The following ST18 variants were observed in gnomAD, a reference collection of about 807,000 sequenced individuals.
The protein encoded by ST18 is suppression of tumorigenicity 18 protein.
In ST18, 50 loss-of-function variants were observed where a neutral mutation model predicts 110.0. The ratio of observed to expected loss-of-function variants is 0.45; its 90% CI spans 0.36 to 0.58. The LOEUF is 0.58. Among genes scored for constraint, ST18 ranks in the 20% least tolerant of loss-of-function variants. The pLI is 0.00. For synonymous variants in ST18, 461 were observed against 452.4 expected (o/e 1.02, Z -0.24); for missense variants, 1,306 against 1,280.1 (o/e 1.02, Z -0.31).
intron 2 of ST18, among the ~76,000 whole-genome samples, chr8:52,357,407 T>C (rs1395931479): frequency 6.6e-6 from 1 of 151,658 alleles, no homozygotes; most frequent in East Asian, 1.9e-4. Context: ...TGAACAAATA[T>C]GACCCAACTA....
intron 2 of ST18, among the ~76,000 whole-genome samples, chr8:52,384,991 T>C (rs1039280735): frequency 7.2e-5 from 11 of 152,348 alleles, no homozygotes; most frequent in Admixed American, 7.2e-4. Flanking sequence ...AACATACTAA[T>C]GTTACTAATA....
In ST18 at chr8:52,112,238, T is replaced by C. The variant is rs2040757136; in HGVS notation, c.*960A>G. On this transcript the variant is annotated 3_prime_UTR_variant, in exon 26 of 26. Transcript: ENST00000689386. ...TACAAAATTTTTCATTTGGATGTGTTTGTATTTGCTAAGTACAAATCTACA... is the reference window on the plus strand; with the variant it reads ...TACAAAATTTTTCATTTGGATGTGTCTGTATTTGCTAAGTACAAATCTACA... 2 of 152,544 alleles carry C rather than the reference T, an allele frequency of 1.3e-5. No individual in the cohort carries two copies. Among genetic ancestry groups the C allele is most frequent in the South Asian group, 4.2e-4 (2 of 4,814 alleles). 9.4% of individuals were successfully genotyped at this position (152,544 alleles called of 1,614,324 possible). A position where few individuals can be genotyped will look rare whatever the true frequency, so the allele number is the denominator to read the frequency against.
chr8:52,159,031 G>C lies in ST18; in HGVS notation c.1673C>G (p.Ala558Gly). The change falls in exon 15 of 26, where the codon GCC (alanine) becomes GGC (glycine). Residue 558 changes from alanine to glycine, a missense_variant. Ala to Gly is a moderately conservative substitution (Grantham distance 60). Transcript: ENST00000689386. ...AGAHTQSPGR[A>G]SSYSYGQCSE... ...ACATTGACCGTAGCTATAAGAGCTG[G>C]CACGGCCAGGGCTCTGGGTGTGGGC... 6.2e-7 allele frequency: 1 copy of C among 1,614,148 alleles called. No individual in the cohort carries two copies. The highest frequency in any genetic ancestry group is 8.5e-7 in the Non-Finnish European group (1 of 1,180,012).
At chr8:52,255,574 A>T (rs7838408) in intron 2 of ST18, among the ~76,000 whole-genome samples, 12,262 of 152,070 alleles carry the variant, frequency 0.081, 1,061 homozygotes, top group African/African-American at 0.21. Context: ...TAAAGATTTA[A>T]TTTTTTTCTG....
At chr8:52,347,366 A>G (rs1818239867) in intron 2 of ST18, among the ~76,000 whole-genome samples, 1 of 152,178 alleles carries the variant, frequency 6.6e-6, no homozygotes, top group Non-Finnish European at 1.5e-5. Context: ...GAAGACAGAA[A>G]AACAGAGGAA....
At chr8:52,270,731 G>A (rs761869359) in intron 2 of ST18, among the ~76,000 whole-genome samples, 10 of 152,132 alleles carry the variant, frequency 6.6e-5, no homozygotes, top group Admixed American at 2.0e-4. Context: ...GGGTGGTGCA[G>A]GGGTAAGGGA....
At chr8:52,147,315 C>T (rs2057587724) in intron 16 of ST18, among the ~76,000 whole-genome samples, 1 of 152,052 alleles carries the variant, frequency 6.6e-6, no homozygotes, top group Non-Finnish European at 1.5e-5. Context: ...TAAAAAGTAA[C>T]ATAAAATATT....
At chr8:52,357,723 A>ATATATT (rs1823727033) in intron 2 of ST18, among the ~76,000 whole-genome samples, 24 of 78,044 alleles carry the variant, frequency 3.1e-4, no homozygotes, top group African/African-American at 2.3e-3. Context: ...ATATATATAT[A>ATATATT]TATATATAAA....
chr8:52,179,706 A>C (rs2068574888), intron 9 of ST18, among the ~76,000 whole-genome samples: 1 of 152,158 alleles, frequency 6.6e-6, no homozygotes, highest in Non-Finnish European at 1.5e-5. Flanking sequence ...TATCATCATC[A>C]CTAATGAACA....
chr8:52,163,261 T>C (rs2133278860), intron 13 of ST18, among the ~76,000 whole-genome samples: 1 of 152,350 alleles, frequency 6.6e-6, no homozygotes, highest in East Asian at 1.9e-4. Context: ...AAGCCGTATC[T>C]TGAAAACGTT....
intron 8 of ST18, among the ~76,000 whole-genome samples, chr8:52,199,767 C>T (rs1466218536): frequency 6.6e-6 from 1 of 152,180 alleles, no homozygotes; most frequent in Non-Finnish European, 1.5e-5. Flanking sequence ...TCCTTTGACC[C>T]ATGGCCACCT....
In ST18 at chr8:52,133,297, G is replaced by A; in HGVS notation, c.2305C>T (p.Pro769Ser). 6.2e-7 allele frequency: 1 copy of A among 1,614,152 alleles called. No individual in the cohort carries two copies. Among genetic ancestry groups the A allele is most frequent in the Non-Finnish European group, 8.5e-7 (1 of 1,180,026 alleles). Residue 769 changes from proline (P) to serine (S), a missense_variant, in exon 20 of 26, where the codon CCA (proline) becomes TCA (serine). Pro to Ser is a moderately conservative substitution (Grantham distance 74). Coordinates refer to ENST00000689386, the MANE Select transcript of ST18 (RefSeq NM_001352837.2). The part of the protein sequence containing the change: ...MAANSQELKC[P>S]TPGCDGSGHV... ...CCCGAGCCATCGCAGCCTGGGGTTG[G>A]ACACCTGGAAGGCACAGGAAGAGAG...
In ST18 at chr8:52,160,926, T is replaced by C. The variant is rs1217386513; in HGVS notation, c.1594+449A>G. ...AGACTTCTCACCTTCCCTTCCACCT[T>C]TAGTTTGAATGCTTTTGCTGAGTTA... On this transcript the variant is annotated intron_variant, in intron 14 of 25. Transcript: ENST00000689386. Among the ~76,000 whole-genome samples the C allele has an allele frequency of 2.0e-5, 3 of 152,222 alleles. No individual in the cohort carries two copies. The East Asian group carries it at 5.8e-4, about 29-fold the overall frequency.
At chr8:52,180,015 G>A (rs1034083924) in intron 9 of ST18, 107 bp downstream of exon 9, 13 of 1,194,470 alleles carry the variant, frequency 1.1e-5, no homozygotes, top group South Asian at 1.6e-5. Context: ...AAATCTTAAT[G>A]TACTTTTACA....
At position 52,209,631 on chromosome 8, in the gene ST18, A is replaced by G. The variant is rs553320345; in HGVS notation, c.86+2448T>C. On this transcript the variant is annotated intron_variant, in intron 8 of 25. Transcript: ENST00000689386. ...ACTAAAAATACAAAATTAGCCCGGC[A>G]TGGTGGCTCATGCCTGTAATCCCAG... 3.3e-3 allele frequency among the ~76,000 whole-genome samples: 503 copies of G among 151,842 alleles called. 4 individuals are homozygous for G. Among genetic ancestry groups the G allele is most frequent in the African/African-American group, 0.011 (439 of 41,410 alleles).
Position 52,172,571 on chromosome 8 carries a change from A to T in ST18, c.290T>A (p.Ile97Lys). The T allele has an allele frequency of 1.3e-6, 2 of 1,570,966 alleles. No individual in the cohort carries two copies. The highest frequency in any genetic ancestry group is 1.7e-6 in the Non-Finnish European group (2 of 1,163,664). ...AAGAAGACTTTCATCCATAGGTTTT[A>T]TCATGATTTCCTCTATGGAAAAAGA... ...HGHSTAEEIM[I>K]KPMDESLLST... The change falls in exon 10 of 26, where the codon ATA (isoleucine) becomes AAA (lysine). Residue 97 changes from isoleucine (I) to lysine (K), a missense_variant. Coordinates refer to ENST00000689386, the MANE Select transcript of ST18 (RefSeq NM_001352837.2).
chr8:52,261,737 G>A (rs2138660409), intron 2 of ST18, among the ~76,000 whole-genome samples: 1 of 152,196 alleles, frequency 6.6e-6, no homozygotes, highest in African/African-American at 2.4e-5. Context: ...CTATTTCCAA[G>A]GCTTTGTCCC....
At chr8:52,200,884 T>C (rs143870428) in intron 8 of ST18, among the ~76,000 whole-genome samples, 321 of 152,332 alleles carry the variant, frequency 2.1e-3, no homozygotes, top group African/African-American at 6.3e-3. Flanking sequence ...ATAATGATTT[T>C]AATTTTGAAT....
intron 15 of ST18, 35 bp downstream of exon 15, chr8:52,158,863 G>T (rs745488545): frequency 6.2e-7 from 1 of 1,610,526 alleles, no homozygotes; most frequent in South Asian, 1.1e-5. Context: ...CAGTTCAGTC[G>T]CTGGCCCACC....
Sources: gnomAD v4.1 joint callset for allele counts (sites outside exome capture counted in the v4.1 genomes callset) on GRCh38, gnomAD v4.1.1 for gene constraint, MANE v1.5 for transcripts, NCBI Gene and HGNC (gene_info 2026-07-23, HGNC 2026-07-21) for gene names.